The following SEZ6L variants were observed in gnomAD, a reference collection of about 807,000 sequenced individuals.
The protein encoded by SEZ6L is seizure related 6 homolog like.
In SEZ6L, 37 loss-of-function variants were observed where a neutral mutation model predicts 106.2. That is an observed-to-expected ratio of 0.35 (90% CI 0.27 to 0.46). SEZ6L has a LOEUF of 0.46. SEZ6L is among the 20% of genes least tolerant of loss of function. The pLI is 1.00. For missense variants in SEZ6L, 1,172 were observed against 1,332.8 expected (o/e 0.88, Z 1.88); for synonymous variants, 541 against 570.4 (o/e 0.95, Z 0.73).
chr22:26,315,588 A>G (rs1247443395), intron 9 of SEZ6L, among the ~76,000 whole-genome samples: 1 of 151,770 alleles, frequency 6.6e-6, no homozygotes, highest in Admixed American at 6.6e-5. Context: ...GGCCAGGCCA[A>G]TCTAAGAAAG....
In SEZ6L at chr22:26,331,528, G is replaced by A. The variant is rs562083619; in HGVS notation, c.2016-8908G>A. 2.6e-5 allele frequency among the ~76,000 whole-genome samples: 4 copies of A among 152,130 alleles called. No homozygotes were observed. The South Asian group carries it at 8.3e-4, about 32-fold the overall frequency. Reference sequence around the variant, plus strand: ...AATATTTCAAAAACCATAACAGAAAGCTTTTATCTATCAAAATTAAGCCAC... The same window carrying A: ...AATATTTCAAAAACCATAACAGAAAACTTTTATCTATCAAAATTAAGCCAC... On this transcript the variant is annotated intron_variant, in intron 9 of 16. Transcript: ENST00000248933.
intron 8 of SEZ6L, 146 bp from the exon 9 acceptor site, chr22:26,313,618 G>A (rs1385719721): frequency 8.6e-6 from 6 of 699,618 alleles, no homozygotes; most frequent in East Asian, 5.5e-5. Context: ...ACACACACAC[G>A]TGCTGGCTGC....
intron 1 of SEZ6L, among the ~76,000 whole-genome samples, chr22:26,240,521 C>T (rs1193462174): frequency 6.6e-6 from 1 of 152,140 alleles, no homozygotes; most frequent in Non-Finnish European, 1.5e-5. Context: ...TGGTCCCATC[C>T]AGTCCTGACA....
intron 9 of SEZ6L, among the ~76,000 whole-genome samples, chr22:26,321,474 T>C (rs2082152026): frequency 6.6e-6 from 1 of 152,176 alleles, no homozygotes; most frequent in East Asian, 1.9e-4. Context: ...ATTAAAGCTT[T>C]GCAGAAGGGA....
At chr22:26,187,849 G>T (rs1234262816) in intron 1 of SEZ6L, among the ~76,000 whole-genome samples, 4 of 152,068 alleles carry the variant, frequency 2.6e-5, no homozygotes, top group African/African-American at 9.7e-5. Flanking sequence ...ATGTGCTTGG[G>T]GCAGAAATTA....
rs199618917 is a variant in SEZ6L, at chr22:26,199,090, T to TC, written c.94+29328dup. Among the ~76,000 whole-genome samples the TC allele has an allele frequency of 8.8e-3, 1,333 of 152,292 alleles. 9 individuals are homozygous for TC. The highest frequency in any genetic ancestry group is 0.014 in the Non-Finnish European group (983 of 68,014). On this transcript the variant is annotated intron_variant, in intron 1 of 16. Coordinates refer to ENST00000248933, the MANE Select transcript of SEZ6L (RefSeq NM_021115.5). ...TCTGGACAGGTCTCTAAAATAATCT[T>TC]CTGCCCATTGAGAAGATGAGAAAAT...
At chr22:26,284,918 T>TC in intron 1 of SEZ6L, among the ~76,000 whole-genome samples, 1 of 152,282 alleles carries the variant, frequency 6.6e-6, no homozygotes, top group Non-Finnish European at 1.5e-5. Context: ...ATTTTTTTTT[T>TC]CACCTATAAA....
chr22:26,338,867 C>CTT (rs71192914), intron 9 of SEZ6L, among the ~76,000 whole-genome samples: 1 of 87,484 alleles, frequency 1.1e-5, no homozygotes, highest in East Asian at 3.6e-4. Flanking sequence ...TTTTTTTTTT[C>CTT]TTTTTTTTTT....
intron 16 of SEZ6L, 87 bp from the exon 17 acceptor site, chr22:26,380,179 A>T: frequency 7.7e-7 from 1 of 1,300,410 alleles, no homozygotes; most frequent in Non-Finnish European, 1.1e-6. Context: ...GGGCATGGAC[A>T]TACAGAGGTG....
chr22:26,273,808 A>G (rs1024018477), intron 1 of SEZ6L, among the ~76,000 whole-genome samples: 1 of 152,078 alleles, frequency 6.6e-6, no homozygotes, highest in Non-Finnish European at 1.5e-5. Flanking sequence ...GATGGGATAG[A>G]TTGGGGTGGG....
intron 16 of SEZ6L, 26 bp from the exon 17 acceptor site, chr22:26,380,240 C>G (rs368536623): frequency 1.2e-6 from 2 of 1,612,430 alleles, no homozygotes; most frequent in African/African-American, 2.7e-5. Context: ...AAGCGTTTGA[C>G]AAATCCGTGC....
At chr22:26,319,083 G>C (rs560024604) in intron 9 of SEZ6L, among the ~76,000 whole-genome samples, 2 of 152,054 alleles carry the variant, frequency 1.3e-5, no homozygotes, top group Admixed American at 1.3e-4. Context: ...TTACAAGCCC[G>C]TATGAGCCTG....
intron 1 of SEZ6L, among the ~76,000 whole-genome samples, chr22:26,226,559 T>C (rs1245361979): frequency 6.6e-6 from 1 of 152,112 alleles, no homozygotes; most frequent in East Asian, 1.9e-4. Context: ...CCTTTGTGGG[T>C]TTTTTGTGTG....
intron 1 of SEZ6L, among the ~76,000 whole-genome samples, chr22:26,199,536 T>C (rs1012976761): frequency 6.6e-6 from 1 of 152,236 alleles, no homozygotes; most frequent in Non-Finnish European, 1.5e-5. Flanking sequence ...TTTGTCTACC[T>C]GATGCTTTTG....
At chr22:26,369,803 G>A (rs1004639694) in intron 13 of SEZ6L, among the ~76,000 whole-genome samples, 1 of 151,934 alleles carries the variant, frequency 6.6e-6, no homozygotes, top group African/African-American at 2.4e-5. Context: ...TTTTAATAGA[G>A]ACGGAGTTTT....
At chr22:26,267,397 C>T (rs1601321927) in intron 1 of SEZ6L, among the ~76,000 whole-genome samples, 2 of 152,128 alleles carry the variant, frequency 1.3e-5, no homozygotes, top group Admixed American at 6.5e-5. Flanking sequence ...GAAAGTAGGA[C>T]ATGAGGCTGG....
At chr22:26,376,319 T>C (rs1160181721) in intron 15 of SEZ6L, among the ~76,000 whole-genome samples, 1 of 152,196 alleles carries the variant, frequency 6.6e-6, no homozygotes, top group Non-Finnish European at 1.5e-5. Context: ...AACTGATAAG[T>C]GCAGGAAGAG....
In SEZ6L at chr22:26,169,736, G is replaced by C. The variant is rs943394849; in HGVS notation, c.67G>C (p.Gly23Arg). The C allele has an allele frequency of 4.7e-6, 6 of 1,266,098 alleles. No homozygotes were observed. In the African/African-American group the frequency reaches 9.3e-5, roughly 20 times the overall value. 78.4% of individuals were successfully genotyped at this position (1,266,098 alleles called of 1,614,324 possible). Residue 23 changes from glycine (G) to arginine (R), a missense_variant, in exon 1 of 17, where the codon GGG becomes CGG. Coordinates refer to ENST00000248933, the MANE Select transcript of SEZ6L (RefSeq NM_021115.5). Reference protein sequence around the residue: ...GISLFLALLLGSPAAALERDA... With the variant: ...GISLFLALLLRSPAAALERDA... ...CTCGCTGTTCCTCGCTCTGCTCCTG[G>C]GGAGCCCGGCGGCAGCGCTGGAGCG...
chr22:26,276,306 AT>A (rs1443846855), intron 1 of SEZ6L, among the ~76,000 whole-genome samples: 3 of 152,236 alleles, frequency 2.0e-5, no homozygotes, highest in Non-Finnish European at 4.4e-5. Context: ...GTTTTGAGAG[AT>A]GGAATTTGCT....
Sources: allele counts gnomAD v4.1 joint callset (sites outside exome capture counted in the v4.1 genomes callset), GRCh38; gene constraint gnomAD v4.1.1; transcripts MANE v1.5; gene names NCBI Gene and HGNC (gene_info 2026-07-23, HGNC 2026-07-21).